BPIFB4: variants seen among roughly 807,000 people sequenced by gnomAD.
BPIFB4 encodes the protein BPI fold-containing family B member 4.
In BPIFB4, 62 loss-of-function variants were observed where a neutral mutation model predicts 69.2. The ratio of observed to expected loss-of-function variants is 0.90; its 90% CI spans 0.73 to 1.11. The LOEUF (loss-of-function observed/expected upper bound fraction) is 1.11, where lower values mean the gene tolerates loss of function less well. BPIFB4 is among the 50% of genes least tolerant of loss of function. The probability of loss-of-function intolerance (pLI) is 0.00; values close to 1 mark genes in which losing one functional copy is unlikely to be tolerated. For synonymous variants in BPIFB4, 330 were observed against 332.7 expected (o/e 0.99, Z 0.09); for missense variants, 789 against 792.0 (o/e 1.00, Z 0.04).
At position 33,083,667 on chromosome 20, in the gene BPIFB4, T is replaced by C; in HGVS notation, c.470T>C (p.Ile157Thr). 6.2e-7 allele frequency: 1 copy of C among 1,613,976 alleles called. No individual in the cohort carries two copies. Among genetic ancestry groups the C allele is most frequent in the East Asian group, 2.2e-5 (1 of 44,856 alleles). Residue 157 changes from isoleucine (I) to threonine (T), a missense_variant, in exon 5 of 18, where the codon ATC (isoleucine) becomes ACC (threonine). Ile to Thr is a moderately conservative substitution (Grantham distance 89, BLOSUM62 -1). Coordinates refer to ENST00000375483, the MANE Select transcript of BPIFB4 (RefSeq NM_182519.3). Reference protein sequence around the residue: ...LHRRELQPGEIPPGVATGAVG... With the variant: ...LHRRELQPGETPPGVATGAVG... Reference sequence around the variant, plus strand: ...CGGCGAGAGCTGCAGCCTGGAGAAATCCCACCTGGAGTTGCCACTGGGGCG... The same window carrying C: ...CGGCGAGAGCTGCAGCCTGGAGAAACCCCACCTGGAGTTGCCACTGGGGCG...
chr20:33,097,948 C>G (rs528804829), intron 13 of BPIFB4, among the ~76,000 whole-genome samples, 161 bp downstream of exon 13: 1 of 152,324 alleles, frequency 6.6e-6, no homozygotes, highest in African/African-American at 2.4e-5. Flanking sequence ...TAGCCTTTAC[C>G]ACTTCCAGCT....
rs1188382176 is a variant in BPIFB4 at position 33,090,818 on chromosome 20, G to A, written c.1143+19G>A. Reference sequence around the variant, plus strand: ...CCTCAACGTGAGTGCCTGGGGTTCAGGGCAAAGGGTGGTGGCCCTCCTCCC... The same window carrying A: ...CCTCAACGTGAGTGCCTGGGGTTCAAGGCAAAGGGTGGTGGCCCTCCTCCC... On this transcript the variant is annotated intron_variant, in intron 10 of 17. Transcript: ENST00000375483. 1.9e-6 allele frequency: 3 copies of A among 1,613,688 alleles called. No individual in the cohort carries two copies. The highest frequency in any genetic ancestry group is 1.7e-6 in the Non-Finnish European group (2 of 1,179,848).
rs144538484 is a variant in BPIFB4, at chr20:33,088,979, C to A, written c.940C>A (p.Leu314Ile). The change falls in exon 8 of 18, where the codon CTC (leucine) becomes ATC (isoleucine). Residue 314 changes from leucine to isoleucine, a missense_variant. This residue lies in a region of BPIFB4 where 611 missense variants were observed against 575.4 expected (regional missense o/e 1.06). Coordinates refer to ENST00000375483, the MANE Select transcript of BPIFB4 (RefSeq NM_182519.3). Reference sequence around the variant, plus strand: ...CTGTCTCCTTAGGCTTCTCCCCAATCTCGTGGACAATTTAGTGAACCGAGT... The same window carrying A: ...CTGTCTCCTTAGGCTTCTCCCCAATATCGTGGACAATTTAGTGAACCGAGT... ...VKLLRGLLPN[L>I]VDNLVNRVLA... 4 of 1,613,944 alleles carry A rather than the reference C, an allele frequency of 2.5e-6. No homozygotes were observed. The highest frequency in any genetic ancestry group is 3.4e-6 in the Non-Finnish European group (4 of 1,179,842).
At chr20:33,085,606 C>A (rs1430528111) in intron 6 of BPIFB4, among the ~76,000 whole-genome samples, 2 of 152,128 alleles carry the variant, frequency 1.3e-5, no homozygotes, top group East Asian at 3.9e-4. Flanking sequence ...AATGAGGTCA[C>A]CCCCTTTTCC....
chr20:33,086,243 C>T, intron 7 of BPIFB4, 79 bp downstream of exon 7: 1 of 1,529,992 alleles, frequency 6.5e-7, no homozygotes, highest in South Asian at 1.2e-5. Context: ...ACGTCACCCA[C>T]CTGCCCATAG....
rs151089909 is a variant in BPIFB4, at chr20:33,100,977, T to A, written c.1637+484T>A. Among the ~76,000 whole-genome samples the A allele has an allele frequency of 3.9e-3, 591 of 152,088 alleles. 7 individuals are homozygous for A. Among genetic ancestry groups the A allele is most frequent in the African/African-American group, 0.014 (566 of 41,492 alleles). On this transcript the variant is annotated intron_variant, in intron 14 of 17. Transcript: ENST00000375483. Reference sequence around the variant, plus strand: ...AGGCTGAGGCAGGAGCCCAGGAGCTTGAGGTTGTGGTGAGCTATGATTGTG... The same window carrying A: ...AGGCTGAGGCAGGAGCCCAGGAGCTAGAGGTTGTGGTGAGCTATGATTGTG...
intron 15 of BPIFB4, 55 bp downstream of exon 15, chr20:33,103,069 G>A (rs972800162): frequency 1.5e-5 from 23 of 1,567,384 alleles, no homozygotes; most frequent in South Asian, 1.2e-4. Flanking sequence ...AGCCCAGGAC[G>A]TGTCTTCCGG....
At chr20:33,097,311 C>G (rs1205226185) in intron 12 of BPIFB4, among the ~76,000 whole-genome samples, 1 of 152,204 alleles carries the variant, frequency 6.6e-6, no homozygotes, top group South Asian at 2.1e-4. Context: ...CATTCAGCAC[C>G]TGGCCAGCAT....
chr20:33,089,109 G>A (rs1020518754), intron 8 of BPIFB4, 80 bp downstream of exon 8: 26 of 1,603,980 alleles, frequency 1.6e-5, no homozygotes, highest in Non-Finnish European at 2.1e-5. Context: ...CTCCATCCCT[G>A]GGGGCCTGCA....
Position 33,083,390 on chromosome 20 carries a change from G to C in BPIFB4, c.193G>C (p.Asp65His), listed in dbSNP as rs1484053149. ...AGGTGTTGGTGATATTCCCTACAAT[G>C]ACTTCCATGTCCGAGGACCCCCCCC... is the stretch of plus-strand genomic sequence containing the variant. ...PLGVGDIPYN[D>H]FHVRGPPPVY... Residue 65 changes from aspartate to histidine, a missense_variant, in exon 5 of 18, where the codon GAC (aspartate) becomes CAC (histidine). Physicochemically the swap from Asp to His is moderately conservative, Grantham distance 81. This residue lies in a region of BPIFB4 where 611 missense variants were observed against 575.4 expected (regional missense o/e 1.06). Transcript: ENST00000375483. The C allele has an allele frequency of 6.2e-7, 1 of 1,613,394 alleles. No individual in the cohort carries two copies. The highest frequency in any genetic ancestry group is 2.2e-5 in the East Asian group (1 of 44,848).
chr20:33,100,736 G>A (rs974810019), intron 14 of BPIFB4, among the ~76,000 whole-genome samples: 1 of 152,222 alleles, frequency 6.6e-6, no homozygotes, highest in African/African-American at 2.4e-5. Flanking sequence ...ATGCTGGGGT[G>A]TGGGCACAGT....
chr20:33,092,598 C>G lies in BPIFB4; in HGVS notation c.1284C>G (p.Gly428=). ...SQLAMSANFL[G]SVLTLLQKQH... ...TGGCCATGTCTGCCAACTTCCTGGG[C>G]TCAGTGCTGACTCTACTGCAGAAGC... The change falls in exon 11 of 18, where the codon GGC becomes GGG. Residue 428 remains glycine (G), a synonymous_variant. Coordinates refer to ENST00000375483, the MANE Select transcript of BPIFB4 (RefSeq NM_182519.3). 1 of 1,613,794 alleles carries G rather than the reference C, an allele frequency of 6.2e-7. No individual in the cohort carries two copies. Among genetic ancestry groups the G allele is most frequent in the Non-Finnish European group, 8.5e-7 (1 of 1,180,008 alleles).
Position 33,086,005 on chromosome 20 carries a change from C to T in BPIFB4, c.783-16C>T. On this transcript the variant is annotated splice_polypyrimidine_tract_variant and intron_variant, in intron 6 of 17. Transcript: ENST00000375483. ...GGGGTGACTCATGGTCTCCCTGGCC[C>T]CTTGGCCTCCTCCAGTCTTATTGGC... is the stretch of plus-strand genomic sequence containing the variant. The T allele has an allele frequency of 6.3e-7, 1 of 1,599,466 alleles. No homozygotes were observed. Among genetic ancestry groups the T allele is most frequent in the Non-Finnish European group, 8.6e-7 (1 of 1,168,164 alleles).
chr20:33,097,757 C>A lies in BPIFB4; in HGVS notation c.1539C>A (p.Asp513Glu). ...TAEVMVSQPK[D>E]LETTICLIDV... ...AGGTCATGGTCTCCCAGCCCAAAGA[C>A]CTGGAGACTACCATCTGCCTCATTG... The change falls in exon 13 of 18, where the codon GAC becomes GAA. Residue 513 changes from aspartate (D) to glutamate (E), a missense_variant. Asp to Glu is a conservative substitution (Grantham distance 45). Coordinates refer to ENST00000375483, the MANE Select transcript of BPIFB4 (RefSeq NM_182519.3). 1 of 1,614,090 alleles carries A rather than the reference C, an allele frequency of 6.2e-7. No homozygotes were observed. The highest frequency in any genetic ancestry group is 1.3e-5 in the African/African-American group (1 of 75,062).
intron 5 of BPIFB4, among the ~76,000 whole-genome samples, chr20:33,084,367 G>T (rs1467827130): frequency 6.6e-6 from 1 of 152,206 alleles, no homozygotes; most frequent in Non-Finnish European, 1.5e-5. Flanking sequence ...CACGGAGCTT[G>T]CAGGTTGATA....
intron 17 of BPIFB4, 91 bp from the exon 18 acceptor site, chr20:33,111,323 C>T: frequency 1.9e-6 from 3 of 1,541,954 alleles, no homozygotes; most frequent in Non-Finnish European, 1.8e-6. Flanking sequence ...TTCCTAGAAA[C>T]ATGACCGGCC....
At chr20:33,088,362 G>T (rs907850533) in intron 7 of BPIFB4, among the ~76,000 whole-genome samples, 1 of 148,604 alleles carries the variant, frequency 6.7e-6, no homozygotes, top group Non-Finnish European at 1.5e-5. Flanking sequence ...AAAAAGAAAA[G>T]AAAAAGAAAA....
intron 3 of BPIFB4, among the ~76,000 whole-genome samples, chr20:33,082,169 C>A (rs1600551330): frequency 6.6e-6 from 1 of 152,134 alleles, no homozygotes; most frequent in East Asian, 1.9e-4. Flanking sequence ...CCTCAACACC[C>A]ATCCCAGGCT....
At chr20:33,089,074 C>T (rs771442300) in intron 8 of BPIFB4, 45 bp downstream of exon 8, 2 of 1,613,166 alleles carry the variant, frequency 1.2e-6, no homozygotes, top group East Asian at 2.2e-5. Context: ...CAGGCTTCCC[C>T]CAGACTGAGG....
Sources: allele counts gnomAD v4.1 joint callset (sites outside exome capture counted in the v4.1 genomes callset), GRCh38; gene constraint gnomAD v4.1.1; regional missense constraint gnomAD v4.1.1; transcripts MANE v1.5; gene names NCBI Gene and HGNC (gene_info 2026-07-23, HGNC 2026-07-21).